GGT5: variants seen among roughly 807,000 people sequenced by gnomAD.
The protein encoded by GGT5 is gamma-glutamyltransferase 5, also known as glutathione hydrolase 5 proenzyme.
Under a neutral mutation model 58.1 loss-of-function variants are expected in GGT5, and 50 were observed. That is an observed-to-expected ratio of 0.86 (90% confidence interval 0.69 to 1.09). The LOEUF (loss-of-function observed/expected upper bound fraction) is 1.09. GGT5 is among the 50% of genes least tolerant of loss of function. GGT5 has a pLI of 0.00. For missense variants in GGT5, 800 were observed against 789.4 expected (o/e 1.01, Z -0.16); for synonymous variants, 370 against 346.1 (o/e 1.07, Z -0.77).
intron 10 of GGT5, 38 bp from the exon 11 acceptor site, chr22:24,225,144 A>G: frequency 6.4e-7 from 1 of 1,561,766 alleles, no homozygotes; most frequent in Non-Finnish European, 8.8e-7. Context: ...GAAAGGGGGC[A>G]CCCTGCTACC....
Position 24,225,333 on chromosome 22 carries a change from A to G in GGT5, c.1415T>C (p.Val472Ala), listed in dbSNP as rs2047719118. 2 of 1,613,866 alleles carry G rather than the reference A, an allele frequency of 1.2e-6. No homozygotes were observed. The highest frequency in any genetic ancestry group is 1.1e-5 in the South Asian group (1 of 91,054). ...GGCTTTGTTGATCAAGATGGAGGGC[A>G]CCATGGAGGATGGGGAACGCTCGCC... ...VPGERSPSSM[V>A]PSILINKAQG... The change falls in exon 10 of 12, where the codon GTG becomes GCG. Residue 472 changes from valine (V) to alanine (A), a missense_variant. Coordinates refer to ENST00000327365, the MANE Select transcript of GGT5 (RefSeq NM_004121.5).
rs149456868 is a variant in GGT5 at position 24,226,220 on chromosome 22, C to T, written c.1085G>A (p.Arg362His). The change falls in exon 8 of 12, where the codon CGC becomes CAC. Residue 362 changes from arginine to histidine, a missense_variant. Physicochemically the swap from Arg to His is conservative, Grantham distance 29. Coordinates refer to ENST00000327365, the MANE Select transcript of GGT5 (RefSeq NM_004121.5). Reference sequence around the variant, plus strand: ...GTCCCCCCGGCCATCGATCTGTTGGCGGATGAGCTGGGCCAGGGTCTCCCC... The same window carrying T: ...GTCCCCCCGGCCATCGATCTGTTGGTGGATGAGCTGGGCCAGGGTCTCCCC... Reference protein sequence around the residue: ...LLGETLAQLIRQQIDGRGDHQ... With the variant: ...LLGETLAQLIHQQIDGRGDHQ... The T allele has an allele frequency of 4.5e-5, 72 of 1,608,674 alleles. No individual in the cohort carries two copies. In the Middle Eastern group the frequency reaches 2.0e-3, roughly 44 times the overall value.
At chr22:24,238,228 CAA>C (rs556769286) in intron 1 of GGT5, among the ~76,000 whole-genome samples, 9 of 42,602 alleles carry the variant, frequency 2.1e-4, no homozygotes, top group Admixed American at 5.4e-4. Flanking sequence ...GGCTCCGTCT[CAA>C]AAAAAAAAAA....
chr22:24,233,032 C>T lies in GGT5; in HGVS notation c.401-14G>A, dbSNP rs1395746761. 6.7e-7 allele frequency: 1 copy of T among 1,493,166 alleles called. No individual in the cohort carries two copies. Among genetic ancestry groups the T allele is most frequent in the Non-Finnish European group, 9.0e-7 (1 of 1,114,906 alleles). The allele number at this position is 1,493,166 out of a possible 1,614,324, so 92.5% of individuals were successfully genotyped here. A position where few individuals can be genotyped will look rare whatever the true frequency, so the allele number is the denominator to read the frequency against. ...TCCACTGGGCCCCTGCATGGCACAT[C>T]CCAGCTCTCAACCCTGTGGCTTCCA... On this transcript the variant is annotated splice_polypyrimidine_tract_variant and intron_variant, in intron 3 of 11. Coordinates refer to ENST00000327365, the MANE Select transcript of GGT5 (RefSeq NM_004121.5).
rs1314746947 is a variant in GGT5, at chr22:24,231,329, G to T, written c.901+55C>A. On this transcript the variant is annotated intron_variant, in intron 6 of 11. Transcript: ENST00000327365. The stretch of plus-strand genomic sequence containing the variant: ...TTGGGCTTGGAGTCTGAGTTCCCGG[G>T]GGCCGGGGGTGCGGGGGAGGGGGTG... 52 of 1,312,302 alleles carry T rather than the reference G, an allele frequency of 4.0e-5. 1 individual carries two copies. The South Asian group carries it at 6.3e-4, about 16-fold the overall frequency. 81.3% of individuals were successfully genotyped at this position (1,312,302 alleles called of 1,614,324 possible). A position where few individuals can be genotyped will look rare whatever the true frequency, so the allele number is the denominator to read the frequency against.
At position 24,226,147 on chromosome 22, in the gene GGT5, T is replaced by A; in HGVS notation, c.1158A>T (p.Thr386=). The A allele has an allele frequency of 6.2e-7, 1 of 1,611,052 alleles. No individual in the cohort carries two copies. The highest frequency in any genetic ancestry group is 2.2e-5 in the East Asian group (1 of 44,844). ...YSLAEAWGHG[T]GTSHVSVLGE... The stretch of plus-strand genomic sequence containing the variant: ...CCAGCACAGACACATGGGACGTGCC[T>A]GTCCCGTGGCCCCAGGCCTCGGCCA... The change falls in exon 8 of 12, where the codon ACA becomes ACT. Residue 386 remains threonine, a synonymous_variant. Transcript: ENST00000327365.
At chr22:24,236,991 T>C (rs1246027928) in intron 1 of GGT5, among the ~76,000 whole-genome samples, 1 of 149,996 alleles carries the variant, frequency 6.7e-6, no homozygotes, top group East Asian at 1.9e-4. Flanking sequence ...TCAGGGATTC[T>C]TTTTTTCTTT....
At chr22:24,238,784 ATATT>A (rs2048184890) in intron 1 of GGT5, among the ~76,000 whole-genome samples, 4 of 20,586 alleles carry the variant, frequency 1.9e-4, no homozygotes, top group African/African-American at 3.0e-4. Context: ...TATATAATAT[ATATT>A]ATATATTTAT....
Position 24,231,483 on chromosome 22 carries a change from C to T in GGT5, c.802G>A (p.Val268Met), listed in dbSNP as rs546884886. Reference protein sequence around the residue: ...QDLAKFQPEVVDALEVPLGDY... With the variant: ...QDLAKFQPEVMDALEVPLGDY... ...CCCAGGGGCACCTCCAGGGCATCCA[C>T]CACCTCGGGCTGGAACTTGGCCAGG... The change falls in exon 6 of 12, where the codon GTG (valine) becomes ATG (methionine). Residue 268 changes from valine to methionine, a missense_variant. Transcript: ENST00000327365. 70 of 1,582,644 alleles carry T rather than the reference C, an allele frequency of 4.4e-5. No individual in the cohort carries two copies. The East Asian group carries it at 1.5e-3, about 34-fold the overall frequency.
intron 1 of GGT5, among the ~76,000 whole-genome samples, chr22:24,239,207 CG>C (rs1183125812): frequency 4.2e-4 from 64 of 150,650 alleles, no homozygotes; most frequent in African/African-American, 1.5e-3. Flanking sequence ...GGCGTGGTGG[CG>C]GGTGACTGTA....
chr22:24,233,009 C>A lies in GGT5; in HGVS notation c.410G>T (p.Trp137Leu). 6.5e-7 allele frequency: 1 copy of A among 1,535,230 alleles called. No homozygotes were observed. Among genetic ancestry groups the A allele is most frequent in the South Asian group, 1.2e-5 (1 of 80,818 alleles). Residue 137 changes from tryptophan to leucine, a missense_variant, in exon 4 of 12, where the codon TGG becomes TTG. Physicochemically the swap from Trp to Leu is moderately conservative, Grantham distance 61 (BLOSUM62 -2). Coordinates refer to ENST00000327365, the MANE Select transcript of GGT5 (RefSeq NM_004121.5). ...QALPLGTGAQWIGVPGELRGY... is the reference protein window; with the variant it reads ...QALPLGTGAQLIGVPGELRGY... ...ACGGAGCTCCCCGGGCACCCCGATCCACTGGGCCCCTGCATGGCACATCCC... is the reference window on the plus strand; with the variant it reads ...ACGGAGCTCCCCGGGCACCCCGATCAACTGGGCCCCTGCATGGCACATCCC...
intron 11 of GGT5, among the ~76,000 whole-genome samples, chr22:24,222,806 G>C (rs112352468): frequency 1.3e-5 from 2 of 151,996 alleles, no homozygotes; most frequent in Non-Finnish European, 2.9e-5. Flanking sequence ...GGCCGGGCGC[G>C]GTGGCTCACG....
chr22:24,230,351 G>A (rs1412166137), intron 6 of GGT5, among the ~76,000 whole-genome samples: 1 of 145,178 alleles, frequency 6.9e-6, no homozygotes, highest in Non-Finnish European at 1.5e-5. Flanking sequence ...CTGGGTGACA[G>A]ATTGAGACTC....
In GGT5 at chr22:24,226,623, A is replaced by C; in HGVS notation, c.1038+8T>G. The C allele has an allele frequency of 6.2e-7, 1 of 1,613,830 alleles. No homozygotes were observed. The highest frequency in any genetic ancestry group is 8.5e-7 in the Non-Finnish European group (1 of 1,179,810). ...GGCCCACCAGCCCAGCAACCTCAGC[A>C]ACCTCACCTGGAGCTTCGGGTGGCT... On this transcript the variant is annotated splice_region_variant and intron_variant, in intron 7 of 11. Transcript: ENST00000327365.
intron 1 of GGT5, among the ~76,000 whole-genome samples, chr22:24,240,074 AG>A (rs1244797510): frequency 6.6e-6 from 1 of 152,210 alleles, no homozygotes; most frequent in African/African-American, 2.4e-5. Flanking sequence ...CAGCAGAGCA[AG>A]ACTCCCTCTA....
chr22:24,227,496 C>A (rs2047803416), intron 6 of GGT5, among the ~76,000 whole-genome samples: 1 of 152,158 alleles, frequency 6.6e-6, no homozygotes, highest in Admixed American at 6.6e-5. Context: ...ATCCACCCTC[C>A]TTAGCCTCCC....
chr22:24,231,918 A>G (rs919287197), intron 5 of GGT5, 133 bp downstream of exon 5: 15 of 738,304 alleles, frequency 2.0e-5, no homozygotes, highest in Non-Finnish European at 2.9e-5. Flanking sequence ...AGCTAGGTGC[A>G]TGGCCTCTCG....
rs192262005 is a variant in GGT5 at position 24,226,052 on chromosome 22, C to T, written c.1229+24G>A. On this transcript the variant is annotated intron_variant, in intron 8 of 11. Coordinates refer to ENST00000327365, the MANE Select transcript of GGT5 (RefSeq NM_004121.5). ...CTAGGAGAGGAGGAGTGAAGCCATC[C>T]GCCTTCCCCCAGGCCCTACGCACGG... 2.0e-4 allele frequency: 297 copies of T among 1,509,612 alleles called. 2 individuals are homozygous for T. The African/African-American group carries it at 3.2e-3, about 16-fold the overall frequency. 93.5% of individuals were successfully genotyped at this position (1,509,612 alleles called of 1,614,324 possible).
chr22:24,219,917 T>C lies in GGT5; in HGVS notation c.*53A>G. The C allele has an allele frequency of 6.3e-7, 1 of 1,585,654 alleles. No homozygotes were observed. The highest frequency in any genetic ancestry group is 8.6e-7 in the Non-Finnish European group (1 of 1,156,760). ...GTTGGTCCCCCAGCCATGTCCGGCC[T>C]GGACACAGGACTCATGGTGGGGCCA... On this transcript the variant is annotated 3_prime_UTR_variant, in exon 12 of 12. Transcript: ENST00000327365.
Sources: allele counts gnomAD v4.1 joint callset (sites outside exome capture counted in the v4.1 genomes callset), GRCh38; gene constraint gnomAD v4.1.1; transcripts MANE v1.5; gene names NCBI Gene and HGNC (gene_info 2026-07-23, HGNC 2026-07-21).